The following SYCP2 variants were observed in gnomAD, a reference collection of about 807,000 sequenced individuals.
SYCP2 encodes synaptonemal complex protein 2.
SYCP2 carries 55 observed loss-of-function variants against 211.3 expected under a neutral mutation model. The observed-to-expected ratio is 0.26, with a 90% CI of 0.21 to 0.33. The LOEUF is 0.33. Ranked by LOEUF, SYCP2 falls within the 10% of genes least tolerant of loss-of-function variation. The probability of loss-of-function intolerance (pLI) is 1.00; values close to 1 mark genes in which losing one functional copy is unlikely to be tolerated. For synonymous variants in SYCP2, 570 were observed against 555.2 expected (o/e 1.03, Z -0.37); for missense variants, 1,731 against 1,752.0 (o/e 0.99, Z 0.21).
chr20:59,866,281 AAAGT>A lies in SYCP2; in HGVS notation c.4320+8_4320+11del, dbSNP rs769265912. 7.1e-6 allele frequency: 11 copies of A among 1,543,224 alleles called. No homozygotes were observed. Among genetic ancestry groups the A allele is most frequent in the Middle Eastern group, 2.2e-4 (1 of 4,500 alleles). ...TTTTAAACTTATTTAAAAAATTTTT[AAAGT>A]AACAAACCACAAATTCCTTTTCCAA... On this transcript the variant is annotated splice_region_variant and intron_variant, in intron 41 of 44. Transcript: ENST00000357552.
intron 1 of SYCP2, chr20:59,933,359 G>C (rs2060809335): frequency 6.6e-6 from 1 of 151,788 alleles, no homozygotes; most frequent in Non-Finnish European, 1.5e-5. Flanking sequence ...CGCGAACTCT[G>C]CACAGCCCAC....
At chr20:59,892,846 GTATATT>G (rs1369617613) in intron 22 of SYCP2, 145 bp from the exon 23 acceptor site, 13 of 684,622 alleles carry the variant, frequency 1.9e-5, no homozygotes, top group African/African-American at 1.3e-4. Context: ...CAGTTCTACT[GTATATT>G]TATATTTCTA....
chr20:59,906,556 A>T (rs189662570), intron 15 of SYCP2, among the ~76,000 whole-genome samples: 1 of 152,278 alleles, frequency 6.6e-6, no homozygotes, highest in Admixed American at 6.5e-5. Flanking sequence ...ATTTGAGATT[A>T]TAATACTCCT....
At position 59,923,943 on chromosome 20, in the gene SYCP2, T is replaced by G. The variant is rs1337405865; in HGVS notation, c.-46-1484A>C. ...ATAATTACATTGAAAGTAAAATATA[T>G]TAAATACTCTGAAGAAGTAAGAATG... On this transcript the variant is annotated intron_variant, in intron 2 of 44. Transcript: ENST00000357552. Among the ~76,000 whole-genome samples, 10 of 151,932 alleles carry G rather than the reference T, an allele frequency of 6.6e-5. No homozygotes were observed. The South Asian group carries it at 1.9e-3, about 28-fold the overall frequency.
rs765344488 is a variant in SYCP2 at position 59,868,897 on chromosome 20, T to A, written c.3770A>T (p.Lys1257Met). Residue 1257 changes from lysine to methionine, a missense_variant, in exon 37 of 45, where the codon AAG becomes ATG. Physicochemically the swap from Lys to Met is moderately conservative, Grantham distance 95 (BLOSUM62 -1). Transcript: ENST00000357552. The part of the protein sequence containing the change: ...EESHLASSLS[K>M]SSEGREKTWF... ...CGTTTTCTCTCTTCCTTCACTAGAC[T>A]TGGATAATGAAGATGCTAAATGACT... is the stretch of plus-strand genomic sequence containing the variant. The A allele has an allele frequency of 8.1e-6, 13 of 1,609,214 alleles. No individual in the cohort carries two copies. The highest frequency in any genetic ancestry group is 1.7e-4 in the Middle Eastern group (1 of 6,032).
chr20:59,872,862 A>G (rs1391593521), intron 35 of SYCP2, among the ~76,000 whole-genome samples: 1 of 152,130 alleles, frequency 6.6e-6, no homozygotes, highest in African/African-American at 2.4e-5. Context: ...CTTTAGTTAC[A>G]AAAATTACAA....
chr20:59,932,361 G>GTCC (rs2060767792), intron 1 of SYCP2, among the ~76,000 whole-genome samples: 1 of 151,990 alleles, frequency 6.6e-6, no homozygotes, highest in African/African-American at 2.4e-5. Context: ...GAGGGAAGGC[G>GTCC]TCCTCCTCCT....
chr20:59,897,810 G>A (rs2060038851), intron 18 of SYCP2, among the ~76,000 whole-genome samples: 1 of 152,050 alleles, frequency 6.6e-6, no homozygotes, highest in Non-Finnish European at 1.5e-5. Flanking sequence ...TGGGCCGGGT[G>A]CAGTGGCTCA....
intron 15 of SYCP2, among the ~76,000 whole-genome samples, chr20:59,903,427 A>G (rs2060154864): frequency 6.6e-6 from 1 of 152,140 alleles, no homozygotes; most frequent in South Asian, 2.1e-4. Flanking sequence ...AAGACATAGG[A>G]TAAAAGTAGG....
rs201888640 is a variant in SYCP2, at chr20:59,892,282, T to C, written c.2072A>G (p.Lys691Arg). The C allele has an allele frequency of 1.2e-6, 2 of 1,612,780 alleles. No individual in the cohort carries two copies. Among genetic ancestry groups the C allele is most frequent in the South Asian group, 1.1e-5 (1 of 91,034 alleles). Residue 691 changes from lysine to arginine, a missense_variant, in exon 24 of 45, where the codon AAG (lysine) becomes AGG (arginine). By Grantham distance (26) the Lys-to-Arg change is conservative (BLOSUM62 2). Coordinates refer to ENST00000357552, the MANE Select transcript of SYCP2 (RefSeq NM_014258.4). Reference sequence around the variant, plus strand: ...ATGATTTTGTTGCTGATTGTGTTTCTTGCAAACTTCTACTTCTGCTTTATC... The same window carrying C: ...ATGATTTTGTTGCTGATTGTGTTTCCTGCAAACTTCTACTTCTGCTTTATC... Reference protein sequence around the residue: ...KIDKAEVEVCKKHNQQQNHPK... With the variant: ...KIDKAEVEVCRKHNQQQNHPK...
At position 59,920,453 on chromosome 20, in the gene SYCP2, G is replaced by T. The variant is rs1260865165; in HGVS notation, c.203C>A (p.Ala68Asp). 1.2e-6 allele frequency: 2 copies of T among 1,606,874 alleles called. No homozygotes were observed. The highest frequency in any genetic ancestry group is 1.7e-6 in the Non-Finnish European group (2 of 1,175,344). ...ACATCTTCCAACAGAAACCAAAATG[G>T]CTGAAACATTGTGGATATCCTCTTT... ...LNKEDIHNVS[A>D]ILVSVGRCGK... is the part of the protein sequence containing the mutation. The change falls in exon 5 of 45, where the codon GCC becomes GAC. Residue 68 changes from alanine (A) to aspartate (D), a missense_variant. Coordinates refer to ENST00000357552, the MANE Select transcript of SYCP2 (RefSeq NM_014258.4).
intron 13 of SYCP2, chr20:59,912,161 A>G: frequency 2.3e-6 from 1 of 429,982 alleles, no homozygotes. Flanking sequence ...AAACTGGACT[A>G]CAGCCTTTAT....
chr20:59,915,204 G>T lies in SYCP2; in HGVS notation c.600-5C>A. The T allele has an allele frequency of 6.4e-7, 1 of 1,570,044 alleles. No homozygotes were observed. Among genetic ancestry groups the T allele is most frequent in the South Asian group, 1.1e-5 (1 of 88,802 alleles). ...ATCCTTTCTCCCATACTACTCCTGT[G>T]AATTAAAATAACAGATTACAAAATA... On this transcript the variant is annotated splice_polypyrimidine_tract_variant and splice_region_variant and intron_variant, in intron 9 of 44. Coordinates refer to ENST00000357552, the MANE Select transcript of SYCP2 (RefSeq NM_014258.4).
intron 7 of SYCP2, among the ~76,000 whole-genome samples, chr20:59,917,398 C>T (rs545423225): frequency 7.2e-5 from 11 of 152,138 alleles, no homozygotes; most frequent in African/African-American, 2.2e-4. Context: ...TTAAAAATAA[C>T]TTTAAACAAT....
chr20:59,930,116 A>G (rs913559953), intron 2 of SYCP2, among the ~76,000 whole-genome samples: 4 of 152,160 alleles, frequency 2.6e-5, no homozygotes, highest in African/African-American at 9.7e-5. Context: ...CTACCCCCAG[A>G]AAGTCTATAA....
intron 19 of SYCP2, among the ~76,000 whole-genome samples, 156 bp downstream of exon 19, chr20:59,896,273 C>T (rs1223910164): frequency 6.6e-6 from 1 of 152,094 alleles, no homozygotes; most frequent in Non-Finnish European, 1.5e-5. Flanking sequence ...TAGCATTATA[C>T]TTTTCTTCCC....
intron 15 of SYCP2, among the ~76,000 whole-genome samples, chr20:59,903,844 A>G (rs1201101727): frequency 6.6e-6 from 1 of 152,184 alleles, no homozygotes; most frequent in Non-Finnish European, 1.5e-5. Context: ...TGAGAGTCCA[A>G]AGTTGGAAGC....
intron 2 of SYCP2, among the ~76,000 whole-genome samples, chr20:59,928,186 G>A (rs1305415695): frequency 6.6e-6 from 1 of 152,142 alleles, no homozygotes; most frequent in Non-Finnish European, 1.5e-5. Context: ...TTTATCAGAG[G>A]ACCTTTGAGA....
intron 2 of SYCP2, among the ~76,000 whole-genome samples, chr20:59,929,712 A>G (rs575910380): frequency 6.6e-6 from 1 of 152,300 alleles, no homozygotes; most frequent in East Asian, 1.9e-4. Context: ...TGATATGTGT[A>G]TATCTGTGTA....
Sources: allele counts gnomAD v4.1 joint callset (sites outside exome capture counted in the v4.1 genomes callset), GRCh38; gene constraint gnomAD v4.1.1; transcripts MANE v1.5; gene names NCBI Gene and HGNC (gene_info 2026-07-23, HGNC 2026-07-21).